Variants in ZNF148 observed in about 807,000 individuals in gnomAD.
ZNF148 encodes the protein zinc finger protein 148.
ZNF148 carries 7 observed loss-of-function variants against 67.7 expected under a neutral mutation model. The ratio of observed to expected loss-of-function variants is 0.10; its 90% CI spans 0.06 to 0.19. The LOEUF is 0.19. Among genes scored for constraint, ZNF148 ranks in the 10% least tolerant of loss-of-function variants. The probability of loss-of-function intolerance (pLI) is 1.00; values close to 1 mark genes in which losing one functional copy is unlikely to be tolerated. For synonymous variants in ZNF148, 333 were observed against 330.7 expected (o/e 1.01, Z -0.08); for missense variants, 583 against 947.1 (o/e 0.62, Z 5.05).
intron 1 of ZNF148, among the ~76,000 whole-genome samples, chr3:125,335,097 T>C (rs1941437675): frequency 6.6e-6 from 1 of 152,032 alleles, no homozygotes; most frequent in Non-Finnish European, 1.5e-5. Flanking sequence ...TTGTTATACA[T>C]TTTGCACTGT....
At chr3:125,355,846 A>C (rs1942323223) in intron 1 of ZNF148, among the ~76,000 whole-genome samples, 2 of 152,328 alleles carry the variant, frequency 1.3e-5, no homozygotes, top group South Asian at 4.1e-4. Flanking sequence ...TGAGAATAAA[A>C]GTATATAAGC....
chr3:125,348,865 T>A (rs776075658), intron 1 of ZNF148, among the ~76,000 whole-genome samples: 2 of 152,094 alleles, frequency 1.3e-5, no homozygotes, highest in Non-Finnish European at 2.9e-5. Flanking sequence ...TAAAACAGTA[T>A]GGTACTGGCA....
chr3:125,266,228 T>C (rs749838860), intron 7 of ZNF148, among the ~76,000 whole-genome samples: 9 of 152,088 alleles, frequency 5.9e-5, no homozygotes, highest in Non-Finnish European at 8.8e-5. Flanking sequence ...CTGGACCTAA[T>C]AGAGCTCTAC....
At chr3:125,251,528 T>C (rs1936842205) in intron 7 of ZNF148, among the ~76,000 whole-genome samples, 1 of 152,230 alleles carries the variant, frequency 6.6e-6, no homozygotes, top group Non-Finnish European at 1.5e-5. Flanking sequence ...CCATCAGTGA[T>C]CACTATCCTA....
At chr3:125,342,564 A>C (rs1043365456) in intron 1 of ZNF148, among the ~76,000 whole-genome samples, 1 of 152,020 alleles carries the variant, frequency 6.6e-6, no homozygotes, top group African/African-American at 2.4e-5. Context: ...TAAGGAAATA[A>C]AAGTATATTC....
At position 125,226,620 on chromosome 3, in the gene ZNF148, T is replaced by G. The variant is rs1224767392; in HGVS notation, c.*5721A>C. 6.6e-6 allele frequency: 1 copy of G among 152,630 alleles called. No homozygotes were observed. Among genetic ancestry groups the G allele is most frequent in the African/African-American group, 2.4e-5 (1 of 41,460 alleles). 9.5% of individuals were successfully genotyped at this position (152,630 alleles called of 1,614,324 possible). Reference sequence around the variant, plus strand: ...AGAACATCTCTATGTTCCATGACTATGCATGAAACAAGCTGTCACTGTATT... The same window carrying G: ...AGAACATCTCTATGTTCCATGACTAGGCATGAAACAAGCTGTCACTGTATT... On this transcript the variant is annotated 3_prime_UTR_variant, in exon 9 of 9. Transcript: ENST00000360647.
intron 7 of ZNF148, among the ~76,000 whole-genome samples, chr3:125,263,740 T>C (rs1937446422): frequency 6.6e-6 from 1 of 152,126 alleles, no homozygotes. Flanking sequence ...CAGTGTCTTT[T>C]ATTCCTGACA....
chr3:125,344,392 C>G, intron 1 of ZNF148: 1 of 660,206 alleles, frequency 1.5e-6, no homozygotes, highest in Non-Finnish European at 2.7e-6. Context: ...AAAAATGACT[C>G]TGTCCCTTGG....
intron 1 of ZNF148, among the ~76,000 whole-genome samples, chr3:125,351,019 T>C (rs772212319): frequency 6.6e-6 from 1 of 151,980 alleles, no homozygotes; most frequent in South Asian, 2.1e-4. Flanking sequence ...AGTAAAACAA[T>C]GGTTGCCAGG....
chr3:125,275,835 T>G (rs892845915), intron 7 of ZNF148, among the ~76,000 whole-genome samples: 1 of 152,128 alleles, frequency 6.6e-6, no homozygotes, highest in East Asian at 1.9e-4. Context: ...TTCAAAAATA[T>G]TTTTTTCAGA....
intron 7 of ZNF148, among the ~76,000 whole-genome samples, chr3:125,267,152 A>G (rs929863520): frequency 2.6e-5 from 4 of 151,944 alleles, no homozygotes; most frequent in Non-Finnish European, 4.4e-5. Context: ...AGCTGGTACC[A>G]ATCCTACTGA....
intron 7 of ZNF148, among the ~76,000 whole-genome samples, chr3:125,250,438 C>T (rs538857129): frequency 1.3e-5 from 2 of 152,168 alleles, no homozygotes; most frequent in Non-Finnish European, 2.9e-5. Context: ...GTGCCTTATT[C>T]ATCTGACATA....
chr3:125,316,970 G>T lies in ZNF148; in HGVS notation c.-16-3314C>A, dbSNP rs78631352. ...TGGAAAAAAGGCATAAAGTACTAGA[G>T]TGAGAGACTTGGAACAGGAAGAGAG... is the stretch of plus-strand genomic sequence containing the variant. On this transcript the variant is annotated intron_variant, in intron 3 of 8. Transcript: ENST00000360647. Among the ~76,000 whole-genome samples the T allele has an allele frequency of 1.7e-4, 26 of 152,322 alleles. 1 individual carries two copies. In the East Asian group the frequency reaches 5.0e-3, roughly 29 times the overall value.
chr3:125,332,774 C>G (rs556409248), intron 1 of ZNF148, among the ~76,000 whole-genome samples: 3 of 152,262 alleles, frequency 2.0e-5, no homozygotes, highest in Admixed American at 2.0e-4. Flanking sequence ...AGAGTGCTGC[C>G]TGATTCATGA....
At chr3:125,252,519 G>T (rs115954740) in intron 7 of ZNF148, among the ~76,000 whole-genome samples, 1 of 152,018 alleles carries the variant, frequency 6.6e-6, no homozygotes, top group Non-Finnish European at 1.5e-5. Context: ...GGTAGCTCAC[G>T]CCTGTAATCC....
intron 1 of ZNF148, among the ~76,000 whole-genome samples, chr3:125,339,770 A>G (rs1941638113): frequency 6.6e-6 from 1 of 152,236 alleles, no homozygotes; most frequent in Admixed American, 6.5e-5. Flanking sequence ...TACCCCATAA[A>G]CATATACACC....
At chr3:125,279,321 AAAGAT>A in intron 5 of ZNF148, 74 bp from the exon 6 acceptor site, 1 of 1,246,228 alleles carries the variant, frequency 8.0e-7, no homozygotes, top group East Asian at 2.6e-5. Flanking sequence ...ATTTTAAAAA[AAAGAT>A]AATGCAAACA....
intron 1 of ZNF148, among the ~76,000 whole-genome samples, chr3:125,357,452 A>T (rs550377370): frequency 6.6e-6 from 1 of 152,288 alleles, no homozygotes; most frequent in South Asian, 2.1e-4. Flanking sequence ...GGTGGGCAAA[A>T]GCCCGTCCTC....
intron 3 of ZNF148, among the ~76,000 whole-genome samples, chr3:125,316,778 AT>A (rs968615186): frequency 2.6e-5 from 4 of 151,968 alleles, no homozygotes; most frequent in African/African-American, 9.7e-5. Context: ...GTTTGCAAAT[AT>A]TTTCCCCCAT....
Sources: gnomAD v4.1 joint callset for allele counts (sites outside exome capture counted in the v4.1 genomes callset) on GRCh38, gnomAD v4.1.1 for gene constraint, MANE v1.5 for transcripts, NCBI Gene and HGNC (gene_info 2026-07-23, HGNC 2026-07-21) for gene names.